The following KAZN variants were observed in gnomAD, a reference collection of about 807,000 sequenced individuals.
KAZN encodes the protein kazrin, periplakin interacting protein.
In KAZN, 40 loss-of-function variants were observed where a neutral mutation model predicts 87.4. The observed-to-expected ratio is 0.46, with a 90% CI of 0.36 to 0.60. KAZN has a LOEUF of 0.60. KAZN is among the 20% of genes least tolerant of loss of function. The probability of loss-of-function intolerance (pLI) is 0.00; values close to 1 mark genes in which losing one functional copy is unlikely to be tolerated. For missense variants in KAZN, 898 were observed against 1,073.9 expected, an observed-to-expected ratio of 0.84 and a Z score of 2.29; for synonymous variants, 466 against 458.3, an observed-to-expected ratio of 1.02 and a Z score of -0.22.
At position 14,005,701 on chromosome 1, in the gene KAZN, T is replaced by C. The variant is rs577425056; in HGVS notation, c.91+111945T>C. Among the ~76,000 whole-genome samples the C allele has an allele frequency of 3.3e-5, 5 of 152,356 alleles. No homozygotes were observed. In the South Asian group the frequency reaches 1.0e-3, roughly 32 times the overall value. ...CTGAATGCTTTCCCTGGAGGATCTT[T>C]ACCTATAGAATTAAAGAAGGTAAGC... On this transcript the variant is annotated intron_variant, in intron 1 of 16. Coordinates refer to the KAZN transcript ENST00000636203.
chr1:13,895,668 A>G (rs1639012206), intron 1 of KAZN, among the ~76,000 whole-genome samples: 1 of 152,158 alleles, frequency 6.6e-6, no homozygotes, highest in Non-Finnish European at 1.5e-5. Context: ...GGTATCACAA[A>G]CGAGATCTTA....
intron 2 of KAZN, among the ~76,000 whole-genome samples, chr1:14,328,087 C>T (rs150985881): frequency 1.3e-3 from 192 of 152,166 alleles, no homozygotes; most frequent in African/African-American, 4.5e-3. Context: ...CACTATAGAC[C>T]AGGCGGAAAA....
intron 2 of KAZN, among the ~76,000 whole-genome samples, chr1:14,279,943 G>T (rs1287730836): frequency 6.6e-6 from 1 of 152,072 alleles, no homozygotes; most frequent in Non-Finnish European, 1.5e-5. Context: ...CAGTTTAGAA[G>T]GTGAGTCACT....
chr1:15,091,293 A>G (rs1374838087), intron 8 of KAZN, among the ~76,000 whole-genome samples: 3 of 152,152 alleles, frequency 2.0e-5, no homozygotes, highest in African/African-American at 7.2e-5. Context: ...ACATCTACAT[A>G]TAATTTTTAA....
chr1:14,711,848 A>G (rs1470983653), intron 1 of KAZN, among the ~76,000 whole-genome samples: 2 of 152,206 alleles, frequency 1.3e-5, no homozygotes, highest in Non-Finnish European at 2.9e-5. Context: ...AGAGGGCCCA[A>G]AAGTCTGCGA....
intron 1 of KAZN, among the ~76,000 whole-genome samples, chr1:13,948,396 C>G (rs572513564): frequency 9.8e-5 from 15 of 152,296 alleles, no homozygotes; most frequent in African/African-American, 3.6e-4. Context: ...CTTCCCCCTT[C>G]GCGGGGCACT....
At chr1:14,098,325 C>G (rs987230821) in intron 1 of KAZN, among the ~76,000 whole-genome samples, 1 of 149,148 alleles carries the variant, frequency 6.7e-6, no homozygotes, top group Non-Finnish European at 1.5e-5. Flanking sequence ...AAGCCTCTTC[C>G]AAACAAAGCA....
chr1:14,402,986 C>G (rs1663540734), intron 2 of KAZN, among the ~76,000 whole-genome samples: 2 of 152,110 alleles, frequency 1.3e-5, no homozygotes, highest in Non-Finnish European at 2.9e-5. Context: ...GCCACCACAT[C>G]TGGCTAATTT....
chr1:14,841,221 C>T (rs948919796), intron 1 of KAZN, among the ~76,000 whole-genome samples: 1 of 151,486 alleles, frequency 6.6e-6, no homozygotes, highest in Admixed American at 6.6e-5. Context: ...ATCGAGAACA[C>T]GTTGAAACCC....
chr1:14,523,991 CGTTTTGTTTT>C (rs57675147), intron 2 of KAZN, among the ~76,000 whole-genome samples: 66,920 of 148,834 alleles, frequency 0.45, 15,431 homozygotes, highest in South Asian at 0.59. Flanking sequence ...GCGTGTCACT[CGTTTTGTTTT>C]GTTTTGTTTT....
intron 1 of KAZN, among the ~76,000 whole-genome samples, chr1:14,750,604 A>T (rs1318185615): frequency 6.6e-6 from 1 of 151,856 alleles, no homozygotes; most frequent in South Asian, 2.1e-4. Context: ...TTTTCTAAAA[A>T]AAAAAAAAAG....
rs28886080 is a variant in KAZN, at chr1:14,384,756, C to T, written c.249+204164C>T. Among the ~76,000 whole-genome samples, 23 of 150,304 alleles carry T rather than the reference C, an allele frequency of 1.5e-4. 1 individual carries two copies. Among genetic ancestry groups the T allele is most frequent in the South Asian group, 2.1e-4 (1 of 4,680 alleles). ...AGGATTTTTGCATCAATGTTCATCG[C>T]GGATATTGGTCTAAAATTCTCTTTT... On this transcript the variant is annotated intron_variant, in intron 2 of 16. Coordinates refer to the KAZN transcript ENST00000636203.
intron 1 of KAZN, among the ~76,000 whole-genome samples, chr1:14,733,153 C>T (rs1036930244): frequency 2.6e-5 from 4 of 151,978 alleles, no homozygotes; most frequent in Non-Finnish European, 5.9e-5. Context: ...GATTTCAGCC[C>T]CAGACTTTCT....
At chr1:14,874,062 G>A (rs892379318) in intron 1 of KAZN, among the ~76,000 whole-genome samples, 2 of 152,210 alleles carry the variant, frequency 1.3e-5, no homozygotes, top group East Asian at 1.9e-4. Flanking sequence ...GGTTAGAGAT[G>A]TCTATTAATC....
intron 1 of KAZN, among the ~76,000 whole-genome samples, chr1:14,797,275 G>A (rs1257005799): frequency 6.6e-6 from 1 of 152,078 alleles, no homozygotes; most frequent in Non-Finnish European, 1.5e-5. Context: ...TGGCCAGGCT[G>A]GTCTTGAACT....
At chr1:14,863,743 AT>A (rs778593151) in intron 1 of KAZN, among the ~76,000 whole-genome samples, 19 of 152,172 alleles carry the variant, frequency 1.2e-4, no homozygotes, top group Admixed American at 1.3e-4. Flanking sequence ...TGAGGAGTTC[AT>A]TTCAGGGGAA....
chr1:15,078,464 A>G (rs1387616134), intron 8 of KAZN, among the ~76,000 whole-genome samples: 1 of 152,194 alleles, frequency 6.6e-6, no homozygotes, highest in Non-Finnish European at 1.5e-5. Flanking sequence ...AACAGACTGC[A>G]CGACACTGCT....
At chr1:14,920,305 C>G (rs1658362754) in intron 1 of KAZN, among the ~76,000 whole-genome samples, 1 of 118,090 alleles carries the variant, frequency 8.5e-6, no homozygotes, top group Admixed American at 1.1e-4. Flanking sequence ...TTGGGTGGCG[C>G]CCTGTCCAGC....
intron 1 of KAZN, among the ~76,000 whole-genome samples, chr1:13,909,355 C>T (rs146849195): frequency 3.3e-5 from 5 of 152,192 alleles, no homozygotes; most frequent in East Asian, 1.9e-4. Context: ...TGTAAACCTA[C>T]GAAAGGCTGT....
Sources: gnomAD v4.1 joint callset for allele counts (sites outside exome capture counted in the v4.1 genomes callset) on GRCh38, gnomAD v4.1.1 for gene constraint, MANE v1.5 for transcripts, NCBI Gene and HGNC (gene_info 2026-07-23, HGNC 2026-07-21) for gene names.